Variants in SMAD2 observed in about 807,000 individuals in gnomAD.
The protein encoded by SMAD2 is MAD homolog 2.
A neutral mutation model predicts 64.4 loss-of-function variants in SMAD2; 8 were observed. The ratio of observed to expected loss-of-function variants is 0.12; its 90% confidence interval spans 0.07 to 0.22. The LOEUF is 0.22. Ranked by LOEUF, SMAD2 falls within the 10% of genes least tolerant of loss-of-function variation. The pLI is 1.00. For missense variants in SMAD2, 289 were observed against 561.2 expected, an observed-to-expected ratio of 0.51 and a Z score of 4.90; for synonymous variants, 203 against 195.8, an observed-to-expected ratio of 1.04 and a Z score of -0.31.
intron 1 of SMAD2, among the ~76,000 whole-genome samples, chr18:47,926,268 T>A (rs938402030): frequency 9.2e-5 from 14 of 152,210 alleles, no homozygotes; most frequent in African/African-American, 3.4e-4. Flanking sequence ...TCATCCTGAG[T>A]GACAATCTAA....
At chr18:47,857,270 C>T (rs370496986) in intron 6 of SMAD2, among the ~76,000 whole-genome samples, 3 of 151,646 alleles carry the variant, frequency 2.0e-5, no homozygotes, top group African/African-American at 7.3e-5. Flanking sequence ...CAAAGTGATA[C>T]AACATTATAA....
chr18:47,823,491 T>G lies in SMAD2; in HGVS notation c.*18336A>C, dbSNP rs900594856. 3 of 152,180 alleles carry G rather than the reference T, an allele frequency of 2.0e-5. No individual in the cohort carries two copies. Among genetic ancestry groups the G allele is most frequent in the African/African-American group, 7.2e-5 (3 of 41,422 alleles). 9.4% of individuals were successfully genotyped at this position (152,180 alleles called of 1,614,324 possible). On this transcript the variant is annotated 3_prime_UTR_variant, in exon 11 of 11. Transcript: ENST00000262160. ...GAATCCTCCTAATTTCCTTCAATAT[T>G]TGGCTATGACTCTCTAAGAAAAAAA...
intron 6 of SMAD2, among the ~76,000 whole-genome samples, chr18:47,856,065 G>T (rs1361492446): frequency 1.3e-5 from 2 of 151,900 alleles, no homozygotes; most frequent in Admixed American, 6.5e-5. Context: ...CTTTTGGCAT[G>T]GATGAATCTG....
At chr18:47,851,969 A>C (rs1568044974) in intron 6 of SMAD2, among the ~76,000 whole-genome samples, 1 of 152,198 alleles carries the variant, frequency 6.6e-6, no homozygotes, top group Non-Finnish European at 1.5e-5. Context: ...ATTATCATTC[A>C]TCAAGGTTGT....
At chr18:47,894,560 G>A (rs921569965) in intron 2 of SMAD2, among the ~76,000 whole-genome samples, 3 of 152,020 alleles carry the variant, frequency 2.0e-5, no homozygotes, top group Non-Finnish European at 2.9e-5. Flanking sequence ...CCACACCACC[G>A]CACTACATGT....
rs1475241120 is a variant in SMAD2, at chr18:47,837,936, A to C, written c.*3891T>G. ...TGTGTTACTTTATATCCCAACATAA[A>C]CCTACGCCACCCTCAGACGAAGAGG... On this transcript the variant is annotated 3_prime_UTR_variant, in exon 11 of 11. Coordinates refer to ENST00000262160, the MANE Select transcript of SMAD2 (RefSeq NM_005901.6). 2 of 232,522 alleles carry C rather than the reference A, an allele frequency of 8.6e-6. No individual in the cohort carries two copies. Among genetic ancestry groups the C allele is most frequent in the Non-Finnish European group, 1.7e-5 (2 of 117,434 alleles). The allele number at this position is 232,522 out of a possible 1,614,324, so 14.4% of individuals were successfully genotyped here.
In SMAD2 at chr18:47,825,992, G is replaced by C. The variant is rs1912739671; in HGVS notation, c.*15835C>G. The C allele has an allele frequency of 6.6e-6, 1 of 152,212 alleles. No individual in the cohort carries two copies. The highest frequency in any genetic ancestry group is 2.1e-4 in the South Asian group (1 of 4,830). The allele number at this position is 152,212 out of a possible 1,614,324, so 9.4% of individuals were successfully genotyped here. ...CACATTAAGAGAAAACGGTTTCCCT[G>C]AATTGAGTGATTCTTTCTACTTTCT... On this transcript the variant is annotated 3_prime_UTR_variant, in exon 11 of 11. Coordinates refer to ENST00000262160, the MANE Select transcript of SMAD2 (RefSeq NM_005901.6).
In SMAD2 at chr18:47,836,610, T is replaced by C. The variant is rs910378127; in HGVS notation, c.*5217A>G. On this transcript the variant is annotated 3_prime_UTR_variant, in exon 11 of 11. Transcript: ENST00000262160. ...ACTGTTAAGTTTGTCTATGAGTGTA[T>C]ATGTATATATAAATTCATACACATA... The C allele has an allele frequency of 9.3e-6, 2 of 213,920 alleles. No individual in the cohort carries two copies. Among genetic ancestry groups the C allele is most frequent in the African/African-American group, 4.5e-5 (2 of 44,234 alleles). The allele number at this position is 213,920 out of a possible 1,614,324, so 13.3% of individuals were successfully genotyped here. A position where few individuals can be genotyped will look rare whatever the true frequency, so the allele number is the denominator to read the frequency against.
At chr18:47,927,255 T>C (rs895184764) in intron 1 of SMAD2, among the ~76,000 whole-genome samples, 3 of 152,204 alleles carry the variant, frequency 2.0e-5, no homozygotes, top group African/African-American at 7.2e-5. Context: ...TCAGTTTGTA[T>C]AGACTGTGCA....
chr18:47,868,305 T>C lies in SMAD2; in HGVS notation c.655+18A>G. The C allele has an allele frequency of 6.2e-7, 1 of 1,609,706 alleles. No individual in the cohort carries two copies. The highest frequency in any genetic ancestry group is 1.1e-5 in the South Asian group (1 of 90,982). ...TTGTATCTATCCAAGTTTTAGGAGA[T>C]TCAGAAGGCAAAAATACCTGGAATA... On this transcript the variant is annotated intron_variant, in intron 5 of 10. Transcript: ENST00000262160.
chr18:47,912,068 C>T (rs568966028), intron 1 of SMAD2: 1 of 152,160 alleles, frequency 6.6e-6, no homozygotes, highest in African/African-American at 2.4e-5. Context: ...AAGTTGACAC[C>T]AGAGCACAAG....
In SMAD2 at chr18:47,845,739, A is replaced by G. The variant is rs745853643; in HGVS notation, c.1059T>C (p.Ser353=). The G allele has an allele frequency of 4.3e-6, 7 of 1,613,710 alleles. No individual in the cohort carries two copies. The African/African-American group carries it at 8.0e-5, about 18-fold the overall frequency. The part of the protein sequence containing the change: ...GEVFAECLSD[S]AIFVQSPNCN... The stretch of plus-strand genomic sequence containing the variant: ...AATTGGGGCTCTGCACAAAGATTGC[A>G]CTATCACTTAGGCACTCAGCAAAAA... The change falls in exon 9 of 11, where the codon AGT becomes AGC. Residue 353 remains serine, a synonymous_variant. Coordinates refer to ENST00000262160, the MANE Select transcript of SMAD2 (RefSeq NM_005901.6).
At chr18:47,879,253 T>C (rs1384275451) in intron 2 of SMAD2, among the ~76,000 whole-genome samples, 2 of 152,168 alleles carry the variant, frequency 1.3e-5, no homozygotes, top group African/African-American at 4.8e-5. Context: ...ATGGTACCAT[T>C]TGAGTTTTCT....
intron 1 of SMAD2, among the ~76,000 whole-genome samples, chr18:47,918,971 A>C (rs1332040283): frequency 6.6e-6 from 1 of 152,218 alleles, no homozygotes; most frequent in Non-Finnish European, 1.5e-5. Context: ...GGGAGTTTCT[A>C]GATGGAAAGG....
chr18:47,913,353 T>TG (rs2034216355), intron 1 of SMAD2, among the ~76,000 whole-genome samples: 1 of 152,236 alleles, frequency 6.6e-6, no homozygotes. Flanking sequence ...AGGCCTATTC[T>TG]GGGTCATCTG....
intron 8 of SMAD2, among the ~76,000 whole-genome samples, chr18:47,846,580 G>GCATGAAAGGTATTCAACA (rs1914511530): frequency 1.3e-5 from 2 of 152,122 alleles, no homozygotes; most frequent in African/African-American, 4.8e-5. Context: ...GTGATTCAAA[G>GCATGAAAGGTATTCAACA]CATGAAAGGT....
At chr18:47,845,873 G>T in intron 8 of SMAD2, 73 bp from the exon 9 acceptor site, 1 of 1,363,920 alleles carries the variant, frequency 7.3e-7, no homozygotes, top group South Asian at 1.2e-5. Context: ...GCATTTTCTT[G>T]GAAAAATTCT....
chr18:47,845,769 C>T lies in SMAD2; in HGVS notation c.1029G>A (p.Gly343=), dbSNP rs1177124422. The T allele has an allele frequency of 1.9e-6, 3 of 1,613,766 alleles. No homozygotes were observed. Among genetic ancestry groups the T allele is most frequent in the Non-Finnish European group, 2.5e-6 (3 of 1,179,754 alleles). ...CACTTAGGCACTCAGCAAAAACTTC[C>T]CCACCTATGTAGTATAAGCGCACTC... is the stretch of plus-strand genomic sequence containing the variant. The part of the protein sequence containing the change: ...GRGVRLYYIG[G]EVFAECLSDS... Residue 343 remains glycine, a synonymous_variant, in exon 9 of 11, where the codon GGG becomes GGA. Coordinates refer to ENST00000262160, the MANE Select transcript of SMAD2 (RefSeq NM_005901.6).
chr18:47,906,611 G>GT, intron 1 of SMAD2, among the ~76,000 whole-genome samples: 1 of 152,272 alleles, frequency 6.6e-6, no homozygotes, highest in Non-Finnish European at 1.5e-5. Context: ...TACTGCTGCT[G>GT]TAACAAATAA....
Sources: allele counts gnomAD v4.1 joint callset (sites outside exome capture counted in the v4.1 genomes callset), GRCh38; gene constraint gnomAD v4.1.1; transcripts MANE v1.5; gene names NCBI Gene and HGNC (gene_info 2026-07-23, HGNC 2026-07-21).